ATG7: variants seen among roughly 807,000 people sequenced by gnomAD.
The protein encoded by ATG7 is ubiquitin-like modifier-activating enzyme ATG7.
A neutral mutation model predicts 82.4 loss-of-function variants in ATG7; 70 were observed. The observed-to-expected ratio is 0.85, with a 90% confidence interval of 0.70 to 1.04. The LOEUF is 1.04. Ranked by LOEUF, ATG7 falls within the 50% of genes least tolerant of loss-of-function variation. The pLI, the probability that ATG7 is intolerant of heterozygous loss-of-function variation, is 0.00. For synonymous variants in ATG7, 287 were observed against 313.0 expected (o/e 0.92, Z 0.88); for missense variants, 792 against 864.3 (o/e 0.92, Z 1.05).
chr3:11,373,647 C>T (rs1201822143), intron 18 of ATG7, among the ~76,000 whole-genome samples: 1 of 152,186 alleles, frequency 6.6e-6, no homozygotes, highest in East Asian at 1.9e-4. Flanking sequence ...TTTTTCTCCA[C>T]CCAAGCAAAG....
chr3:11,552,718 G>A (rs1256231319), intron 20 of ATG7, among the ~76,000 whole-genome samples: 3 of 152,094 alleles, frequency 2.0e-5, no homozygotes, highest in African/African-American at 7.2e-5. Context: ...TGGGTGTCTC[G>A]CAGGATCCCC....
intron 20 of ATG7, among the ~76,000 whole-genome samples, chr3:11,542,036 G>C (rs367986710): frequency 1.3e-5 from 2 of 152,240 alleles, no homozygotes; most frequent in Non-Finnish European, 2.9e-5. Flanking sequence ...CCTGGGGCCC[G>C]TGCCCTCCTC....
At chr3:11,483,852 C>T (rs1028617940) in intron 20 of ATG7, among the ~76,000 whole-genome samples, 7 of 152,118 alleles carry the variant, frequency 4.6e-5, no homozygotes, top group African/African-American at 1.2e-4. Context: ...ATGTTTATTC[C>T]TTGGGCTTCG....
At chr3:11,502,459 G>A (rs1328012981) in intron 20 of ATG7, among the ~76,000 whole-genome samples, 1 of 142,584 alleles carries the variant, frequency 7.0e-6, no homozygotes, top group African/African-American at 2.6e-5. Context: ...CCACCTATGA[G>A]TGAGAATATG....
chr3:11,496,125 G>A (rs1192515449), intron 20 of ATG7, among the ~76,000 whole-genome samples: 1 of 152,148 alleles, frequency 6.6e-6, no homozygotes, highest in African/African-American at 2.4e-5. Flanking sequence ...TCCGTGAGAG[G>A]AAAGGCCATT....
At chr3:11,295,792 T>TTTC (rs1559342806) in intron 3 of ATG7, among the ~76,000 whole-genome samples, 19 of 145,820 alleles carry the variant, frequency 1.3e-4, no homozygotes, top group South Asian at 4.4e-4. Flanking sequence ...TTCTTTCTTT[T>TTTC]TTTTTTTTTT....
chr3:11,558,700 T>C (rs1223943185), downstream of ATG7: 2 of 1,613,896 alleles, frequency 1.2e-6, no homozygotes, highest in African/African-American at 2.7e-5. Context: ...CACCCAGAGC[T>C]TTGGCAAAGT....
the ATG7 span, among the ~76,000 whole-genome samples, chr3:11,567,997 C>T: frequency 6.6e-6 from 1 of 152,158 alleles, no homozygotes; most frequent in South Asian, 2.1e-4. Context: ...ACTCAACCAG[C>T]GCTAGTTAAG....
intron 20 of ATG7, among the ~76,000 whole-genome samples, chr3:11,479,545 C>A (rs935696206): frequency 6.6e-6 from 1 of 152,130 alleles, no homozygotes; most frequent in Admixed American, 6.5e-5. Context: ...CCAAGTCCAC[C>A]AGCCCAGAAT....
chr3:11,368,041 C>T (rs1394309728), intron 18 of ATG7, among the ~76,000 whole-genome samples: 2 of 151,606 alleles, frequency 1.3e-5, no homozygotes, highest in African/African-American at 4.8e-5. Context: ...TTGCATCCTT[C>T]CTATAGAGAG....
At chr3:11,406,059 G>A (rs1426810825) in intron 19 of ATG7, among the ~76,000 whole-genome samples, 4 of 151,026 alleles carry the variant, frequency 2.6e-5, no homozygotes, top group East Asian at 3.9e-4. Flanking sequence ...GCATGATCCC[G>A]GCTCACTGCA....
rs1553626485 is a variant in ATG7 at position 11,358,019 on chromosome 3, A to AAG, written c.1285-398_1285-397insGA. Among the ~76,000 whole-genome samples, 135 of 151,174 alleles carry AAG rather than the reference A, an allele frequency of 8.9e-4. 1 individual carries two copies. The highest frequency in any genetic ancestry group is 3.2e-3 in the African/African-American group (130 of 40,680). On this transcript the variant is annotated intron_variant, in intron 14 of 20. Coordinates refer to ENST00000693202, the MANE Select transcript of ATG7 (RefSeq NM_001349232.2). ...GTAAGACCTTGTCTCAAAAAAAAAAAAAAAGAAAAGAAAAGAAAAAAAAAG... is the reference window on the plus strand; with the variant it reads ...GTAAGACCTTGTCTCAAAAAAAAAAAAGAAAAGAAAAGAAAAGAAAAAAAAAG...
In ATG7 at chr3:11,296,439, C is replaced by T. The variant is rs561596412; in HGVS notation, c.-10-2247C>T. The stretch of plus-strand genomic sequence containing the variant: ...ACCTTTTATTTTAAATCAGCCCCAA[C>T]GAGGGTCCCCTCCTTTTCACTTTTA... On this transcript the variant is annotated intron_variant, in intron 3 of 20. Coordinates refer to ENST00000693202, the MANE Select transcript of ATG7 (RefSeq NM_001349232.2). Among the ~76,000 whole-genome samples the T allele has an allele frequency of 1.4e-4, 21 of 152,272 alleles. No homozygotes were observed. In the South Asian group the frequency reaches 3.5e-3, roughly 26 times the overall value.
At chr3:11,499,754 A>G (rs2091179058) in intron 20 of ATG7, among the ~76,000 whole-genome samples, 1 of 151,814 alleles carries the variant, frequency 6.6e-6, no homozygotes. Flanking sequence ...TCTCAAAAAA[A>G]AAAAAAAAAG....
chr3:11,449,883 T>A (rs948396470), intron 20 of ATG7, among the ~76,000 whole-genome samples: 9 of 152,142 alleles, frequency 5.9e-5, no homozygotes, highest in South Asian at 2.1e-4. Context: ...TCATTTTGAG[T>A]TGTCTATAAG....
At chr3:11,478,509 G>A (rs183799165) in intron 20 of ATG7, among the ~76,000 whole-genome samples, 63 of 152,250 alleles carry the variant, frequency 4.1e-4, no homozygotes, top group Admixed American at 4.0e-3. Flanking sequence ...TGGAATCTGG[G>A]GTTCCAGAGA....
intron 9 of ATG7, among the ~76,000 whole-genome samples, chr3:11,316,427 A>C (rs1270705166): frequency 6.6e-6 from 1 of 152,316 alleles, no homozygotes; most frequent in Non-Finnish European, 1.5e-5. Flanking sequence ...TCTTCCTAAA[A>C]CATGTTCTAC....
At chr3:11,569,333 G>GGATACAT in the ATG7 span, among the ~76,000 whole-genome samples, 1 of 152,146 alleles carries the variant, frequency 6.6e-6, no homozygotes, top group African/African-American at 2.4e-5. Context: ...GACATTTTGA[G>GGATACAT]GATACATTCT....
chr3:11,400,686 C>T (rs2079752965), intron 19 of ATG7, among the ~76,000 whole-genome samples: 2 of 152,060 alleles, frequency 1.3e-5, no homozygotes, highest in Admixed American at 1.3e-4. Context: ...AGAATAACCT[C>T]AACAGCCATG....
Sources: gnomAD v4.1 joint callset for allele counts (sites outside exome capture counted in the v4.1 genomes callset) on GRCh38, gnomAD v4.1.1 for gene constraint, MANE v1.5 for transcripts, NCBI Gene and HGNC (gene_info 2026-07-23, HGNC 2026-07-21) for gene names.